The following HPSE2 variants were observed in gnomAD, a reference collection of about 807,000 sequenced individuals.
The protein encoded by HPSE2 is inactive heparanase-2.
A neutral mutation model predicts 60.5 loss-of-function variants in HPSE2; 38 were observed. The observed-to-expected ratio is 0.63, with a 90% CI of 0.48 to 0.82. HPSE2 has a LOEUF of 0.82. Among genes scored for constraint, HPSE2 ranks in the 40% least tolerant of loss-of-function variants. HPSE2 has a pLI of 0.00. For synonymous variants in HPSE2, 295 were observed against 293.2 expected (o/e 1.01, Z -0.06); for missense variants, 713 against 740.4 (o/e 0.96, Z 0.43).
In HPSE2 at chr10:98,591,536, G is replaced by A. The variant is rs547010873; in HGVS notation, c.1320+23368C>T. On this transcript the variant is annotated intron_variant, in intron 9 of 11. Coordinates refer to ENST00000370552, the MANE Select transcript of HPSE2 (RefSeq NM_021828.5). ...AAATTAGCCAGGCGTGGTAGTGTGC[G>A]CCCATAATCCCAGCTACTTGGGAGT... Among the ~76,000 whole-genome samples the A allele has an allele frequency of 6.0e-4, 92 of 152,132 alleles. No individual in the cohort carries two copies. The Middle Eastern group carries it at 0.017, about 28-fold the overall frequency.
intron 3 of HPSE2, among the ~76,000 whole-genome samples, chr10:99,028,433 T>A (rs1957426039): frequency 6.6e-6 from 1 of 151,676 alleles, no homozygotes; most frequent in African/African-American, 2.4e-5. Context: ...ACCAAAGAAG[T>A]GAAAGATAAA....
At chr10:99,015,112 A>T (rs1367129427) in intron 3 of HPSE2, among the ~76,000 whole-genome samples, 1 of 152,116 alleles carries the variant, frequency 6.6e-6, no homozygotes, top group East Asian at 1.9e-4. Flanking sequence ...TCAAAACCAC[A>T]ATGAGATACC....
chr10:98,758,661 C>T (rs1360887683), intron 3 of HPSE2, among the ~76,000 whole-genome samples: 13 of 152,134 alleles, frequency 8.5e-5, no homozygotes, highest in East Asian at 1.9e-4. Flanking sequence ...GGCAGAATGG[C>T]TGTTATTAAA....
intron 3 of HPSE2, among the ~76,000 whole-genome samples, chr10:98,792,239 C>A (rs1347624406): frequency 6.6e-6 from 1 of 151,730 alleles, no homozygotes; most frequent in Non-Finnish European, 1.5e-5. Flanking sequence ...CTAATCTGTA[C>A]ACACTCATTT....
intron 2 of HPSE2, among the ~76,000 whole-genome samples, chr10:99,148,673 C>G (rs1589731621): frequency 6.6e-6 from 1 of 152,010 alleles, no homozygotes; most frequent in Admixed American, 6.6e-5. Flanking sequence ...GCCTGTAATC[C>G]CAGCTACTCG....
At chr10:99,181,577 T>G (rs1317579546) in intron 2 of HPSE2, among the ~76,000 whole-genome samples, 1 of 152,174 alleles carries the variant, frequency 6.6e-6, no homozygotes, top group African/African-American at 2.4e-5. Context: ...TCATGTCCTT[T>G]GCAGGGAATG....
intron 3 of HPSE2, among the ~76,000 whole-genome samples, chr10:98,777,566 C>A (rs1026823448): frequency 6.6e-6 from 1 of 152,076 alleles, no homozygotes; most frequent in Non-Finnish European, 1.5e-5. Flanking sequence ...ACACATTACC[C>A]TTTTAAAAAC....
intron 2 of HPSE2, among the ~76,000 whole-genome samples, chr10:99,221,798 C>T (rs190751431): frequency 1.4e-4 from 21 of 152,044 alleles, no homozygotes; most frequent in Admixed American, 5.2e-4. Flanking sequence ...TACAGGGAGG[C>T]GGAGAGAAGA....
At chr10:99,082,453 ATCTG>A (rs1843178560) in intron 3 of HPSE2, among the ~76,000 whole-genome samples, 1 of 152,138 alleles carries the variant, frequency 6.6e-6, no homozygotes. Flanking sequence ...ACGTTGGACA[ATCTG>A]TCTGTTGCTA....
rs575357514 is a variant in HPSE2 at position 98,888,472 on chromosome 10, G to C, written c.611-144416C>G. Among the ~76,000 whole-genome samples the C allele has an allele frequency of 9.9e-5, 15 of 152,214 alleles. No homozygotes were observed. In the East Asian group the frequency reaches 2.9e-3, roughly 29 times the overall value. On this transcript the variant is annotated intron_variant, in intron 3 of 11. Coordinates refer to ENST00000370552, the MANE Select transcript of HPSE2 (RefSeq NM_021828.5). ...AAAAGATATCAGTGAGCTTCTATGA[G>C]AAAACAAACCATAATGGAATCAGAT...
In HPSE2 at chr10:98,664,314, C is replaced by G. The variant is rs59837330; in HGVS notation, c.1005-22374G>C. On this transcript the variant is annotated intron_variant, in intron 6 of 11. Coordinates refer to ENST00000370552, the MANE Select transcript of HPSE2 (RefSeq NM_021828.5). ...TGCCCAAGCAGGAGAAGAGCCCCCA[C>G]TCTCAGAACACTGAATGGGGTGAGA... 9.8e-4 allele frequency among the ~76,000 whole-genome samples: 149 copies of G among 152,218 alleles called. 2 individuals carry two copies. The East Asian group carries it at 0.028, about 29-fold the overall frequency.
chr10:99,047,811 A>G (rs541913791), intron 3 of HPSE2: 6 of 817,794 alleles, frequency 7.3e-6, no homozygotes, highest in African/African-American at 6.6e-5. Context: ...AAGCACTATC[A>G]CAAGGAATAT....
intron 3 of HPSE2, among the ~76,000 whole-genome samples, chr10:99,052,601 G>A (rs1181185559): frequency 6.6e-6 from 1 of 151,836 alleles, no homozygotes; most frequent in Non-Finnish European, 1.5e-5. Flanking sequence ...AACATAAAGA[G>A]AACCACACAC....
the HPSE2 span, among the ~76,000 whole-genome samples, chr10:99,298,669 C>CT: frequency 6.9e-5 from 10 of 144,128 alleles, no homozygotes; most frequent in Non-Finnish European, 1.4e-4. Flanking sequence ...TATGTATAGG[C>CT]TTTTTTTTTT....
chr10:99,207,229 C>T (rs545779179), intron 2 of HPSE2, among the ~76,000 whole-genome samples: 45 of 152,122 alleles, frequency 3.0e-4, no homozygotes, highest in African/African-American at 1.1e-3. Context: ...ACTTTATAGG[C>T]CAGGAGACAG....
intron 3 of HPSE2, among the ~76,000 whole-genome samples, chr10:99,007,045 A>G (rs1164132859): frequency 6.6e-6 from 1 of 151,604 alleles, no homozygotes; most frequent in Non-Finnish European, 1.5e-5. Flanking sequence ...TTAGAGGCCA[A>G]TCTGGTGCTG....
intron 9 of HPSE2, among the ~76,000 whole-genome samples, chr10:98,613,771 T>A (rs547799797): frequency 6.6e-6 from 1 of 152,330 alleles, no homozygotes; most frequent in Non-Finnish European, 1.5e-5. Flanking sequence ...TAGCAGTCCC[T>A]CAGTTAAATG....
chr10:98,629,097 C>T (rs1275557967), intron 7 of HPSE2, among the ~76,000 whole-genome samples: 3 of 152,142 alleles, frequency 2.0e-5, no homozygotes, highest in Non-Finnish European at 2.9e-5. Context: ...AGCCTTGTAG[C>T]AGCAGACATG....
chr10:98,744,234 A>G (rs1173465713), intron 3 of HPSE2, among the ~76,000 whole-genome samples, 178 bp from the exon 4 acceptor site: 1 of 152,214 alleles, frequency 6.6e-6, no homozygotes, highest in East Asian at 1.9e-4. Context: ...GACTTTAGAA[A>G]GCAGCAGACA....
Sources: gnomAD v4.1 joint callset for allele counts (sites outside exome capture counted in the v4.1 genomes callset) on GRCh38, gnomAD v4.1.1 for gene constraint, MANE v1.5 for transcripts, NCBI Gene and HGNC (gene_info 2026-07-23, HGNC 2026-07-21) for gene names.